Variants in NCAPH observed in about 807,000 individuals in gnomAD.
NCAPH encodes the protein condensin complex subunit 2.
A neutral mutation model predicts 85.5 loss-of-function variants in NCAPH; 38 were observed. The observed-to-expected ratio is 0.44, with a 90% CI of 0.34 to 0.58. The LOEUF (loss-of-function observed/expected upper bound fraction) is 0.58. Among genes scored for constraint, NCAPH ranks in the 20% least tolerant of loss-of-function variants. The pLI, the probability that NCAPH is intolerant of heterozygous loss-of-function variation, is 0.01. For missense variants in NCAPH, 789 were observed against 916.6 expected, an observed-to-expected ratio of 0.86 and a Z score of 1.80; for synonymous variants, 301 against 335.1, an observed-to-expected ratio of 0.90 and a Z score of 1.11.
Position 96,367,320 on chromosome 2 carries a change from C to G in NCAPH, c.1945C>G (p.Gln649Glu). The change falls in exon 15 of 18, where the codon CAG (glutamine) becomes GAG (glutamate). Residue 649 changes from glutamine to glutamate, a missense_variant. Coordinates refer to ENST00000240423, the MANE Select transcript of NCAPH (RefSeq NM_015341.5). ...AAAGATGGACATGAAGAAACTGAAG[C>G]AGAGCATGTGGAGTCTGCTGACAGC... ...AKKMDMKKLK[Q>E]SMWSLLTALS... 6.2e-7 allele frequency: 1 copy of G among 1,613,702 alleles called. No homozygotes were observed. Among genetic ancestry groups the G allele is most frequent in the Non-Finnish European group, 8.5e-7 (1 of 1,179,724 alleles).
intron 6 of NCAPH, among the ~76,000 whole-genome samples, chr2:96,348,387 C>CTCTCCTAAAG (rs1454209020): frequency 6.6e-6 from 1 of 151,976 alleles, no homozygotes; most frequent in Non-Finnish European, 1.5e-5. Flanking sequence ...GACGGGGTTT[C>CTCTCCTAAAG]ACCGTGTTAG....
At position 96,360,232 on chromosome 2, in the gene NCAPH, T is replaced by C. The variant is rs780697265; in HGVS notation, c.1447T>C (p.Tyr483His). ...DFEDDIDFDVYFRKTKAATIL... is the reference protein window; with the variant it reads ...DFEDDIDFDVHFRKTKAATIL... ...TGAAGATGATATTGACTTTGATGTA[T>C]ATTTTAGAAAAACAAAGGTTTGTAC... Residue 483 changes from tyrosine (Y) to histidine (H), a missense_variant, in exon 11 of 18, where the codon TAT becomes CAT. Coordinates refer to ENST00000240423, the MANE Select transcript of NCAPH (RefSeq NM_015341.5). The C allele has an allele frequency of 2.6e-6, 4 of 1,511,652 alleles. No homozygotes were observed. Among genetic ancestry groups the C allele is most frequent in the East Asian group, 2.3e-5 (1 of 44,306 alleles). The allele number at this position is 1,511,652 out of a possible 1,614,324, so 93.6% of individuals were successfully genotyped here.
In NCAPH at chr2:96,353,325, A is replaced by C; in HGVS notation, c.930A>C (p.Ala310=). The C allele has an allele frequency of 6.2e-7, 1 of 1,614,212 alleles. No homozygotes were observed. The change falls in exon 8 of 18, where the codon GCA becomes GCC. Residue 310 remains alanine, a synonymous_variant. Coordinates refer to ENST00000240423, the MANE Select transcript of NCAPH (RefSeq NM_015341.5). ...CTCCAGCGCCCTTGCAGCAGTGTGC[A>C]GAAGATCGCCAGATCTGCCCTTCCC... ...TDLKAPLQQC[A]EDRQICPSLA...
At position 96,369,465 on chromosome 2, in the gene NCAPH, G is replaced by A. The variant is rs1407017239; in HGVS notation, c.2131G>A (p.Ala711Thr). ...GGCTCAGAACCTCTCCATACCTCTG[G>A]CTTTTGCCTGTCTCCTACATTTAGC... The part of the protein sequence containing the change: ...VMAQNLSIPL[A>T]FACLLHLANE... Residue 711 changes from alanine (A) to threonine (T), a missense_variant, in exon 17 of 18, where the codon GCT becomes ACT. Coordinates refer to ENST00000240423, the MANE Select transcript of NCAPH (RefSeq NM_015341.5). 6.2e-7 allele frequency: 1 copy of A among 1,614,054 alleles called. No individual in the cohort carries two copies. The highest frequency in any genetic ancestry group is 1.1e-5 in the South Asian group (1 of 91,084).
rs561335371 is a variant in NCAPH, at chr2:96,338,061, G to A, written c.19+2213G>A. 2.6e-5 allele frequency among the ~76,000 whole-genome samples: 4 copies of A among 151,882 alleles called. No individual in the cohort carries two copies. The East Asian group carries it at 7.7e-4, about 29-fold the overall frequency. On this transcript the variant is annotated intron_variant, in intron 1 of 17. Transcript: ENST00000240423. ...CCTGCCTCAGCCTACCGAGTAGCTG[G>A]GATTACAGACATGCGCCACTACACC... is the stretch of plus-strand genomic sequence containing the variant.
intron 1 of NCAPH, among the ~76,000 whole-genome samples, chr2:96,336,662 A>G (rs2064218558): frequency 6.6e-6 from 1 of 152,198 alleles, no homozygotes; most frequent in African/African-American, 2.4e-5. Flanking sequence ...ACTCAGGTGA[A>G]GGGATCTATA....
chr2:96,345,826 G>T (rs144885284), intron 6 of NCAPH, among the ~76,000 whole-genome samples: 2 of 152,264 alleles, frequency 1.3e-5, no homozygotes, highest in African/African-American at 2.4e-5. Context: ...ACAGAGATTC[G>T]TATTACTGTT....
At chr2:96,338,619 C>T (rs990940954) in intron 1 of NCAPH, among the ~76,000 whole-genome samples, 4 of 151,960 alleles carry the variant, frequency 2.6e-5, no homozygotes, top group African/African-American at 9.7e-5. Flanking sequence ...AGAGGAAGGT[C>T]GTCGGGGTAG....
chr2:96,340,392 T>C (rs2104417109), intron 1 of NCAPH, among the ~76,000 whole-genome samples: 1 of 145,872 alleles, frequency 6.9e-6, no homozygotes. Flanking sequence ...TCTTTTTTTT[T>C]TTTTTTTTTT....
At chr2:96,337,454 C>T (rs564417667) in intron 1 of NCAPH, among the ~76,000 whole-genome samples, 1 of 152,330 alleles carries the variant, frequency 6.6e-6, no homozygotes, top group East Asian at 1.9e-4. Flanking sequence ...GAGTCTCGCT[C>T]TATCGCCCAG....
chr2:96,339,178 T>C (rs1465307062), intron 1 of NCAPH, among the ~76,000 whole-genome samples: 2 of 152,226 alleles, frequency 1.3e-5, no homozygotes, highest in Admixed American at 6.5e-5. Context: ...TAATACAGTC[T>C]CTTTGCTTCA....
intron 17 of NCAPH, 74 bp downstream of exon 17, chr2:96,369,574 A>G (rs2064745317): frequency 1.4e-6 from 2 of 1,429,166 alleles, no homozygotes; most frequent in Non-Finnish European, 2.0e-6. Context: ...TTTGTATTTG[A>G]TCTTTCATGG....
Position 96,373,364 on chromosome 2 carries a change from G to A in NCAPH, c.*13G>A. The A allele has an allele frequency of 1.2e-6, 2 of 1,612,240 alleles. No homozygotes were observed. The highest frequency in any genetic ancestry group is 2.2e-5 in the South Asian group (2 of 90,904). ...GCAAGGAGATTGAGTTCACTATGGA[G>A]AAGTCAGCAGCAGGAGGCCCATCCC... On this transcript the variant is annotated 3_prime_UTR_variant, in exon 18 of 18. Transcript: ENST00000240423.
intron 1 of NCAPH, among the ~76,000 whole-genome samples, chr2:96,338,306 T>C (rs1393481247): frequency 1.3e-5 from 2 of 148,204 alleles, no homozygotes; most frequent in African/African-American, 5.0e-5. Context: ...TTGCACCTGC[T>C]CCCTGCCTGC....
intron 1 of NCAPH, among the ~76,000 whole-genome samples, chr2:96,337,850 A>C (rs1483874248): frequency 6.6e-6 from 1 of 152,076 alleles, no homozygotes; most frequent in East Asian, 1.9e-4. Flanking sequence ...CTGGAACCAC[A>C]GATGCCTGGC....
chr2:96,365,759 C>T (rs2064689135), intron 13 of NCAPH, 117 bp from the exon 14 acceptor site: 1 of 1,004,266 alleles, frequency 1.0e-6, no homozygotes, highest in Non-Finnish European at 1.5e-6. Context: ...TAGTGTAACT[C>T]ACTGAGTGAA....
chr2:96,372,388 G>C (rs144858542), intron 17 of NCAPH, among the ~76,000 whole-genome samples: 2 of 152,214 alleles, frequency 1.3e-5, no homozygotes, highest in East Asian at 1.9e-4. Flanking sequence ...GGCAGTTGGG[G>C]GTGCCTGGAG....
chr2:96,367,522 C>T (rs773812306), intron 15 of NCAPH, 149 bp downstream of exon 15: 61 of 566,082 alleles, frequency 1.1e-4, no homozygotes, highest in Non-Finnish European at 1.7e-4. Flanking sequence ...GTGGCTCACA[C>T]GTGTAATCCC....
chr2:96,342,051 A>G lies in NCAPH; in HGVS notation c.274A>G (p.Ser92Gly). The G allele has an allele frequency of 1.9e-6, 3 of 1,610,174 alleles. No homozygotes were observed. ...PRLLASPSSR[S>G]IDISATIPKF... Reference sequence around the variant, plus strand: ...TGTTTGTTTTTGTTTTCCATTTAGGAGTATTGACATTTCAGCTACTATCCC... The same window carrying G: ...TGTTTGTTTTTGTTTTCCATTTAGGGGTATTGACATTTCAGCTACTATCCC... The change falls in exon 3 of 18, where the codon AGT (serine) becomes GGT (glycine). Residue 92 changes from serine to glycine, a missense_variant and splice_region_variant. Physicochemically the swap from Ser to Gly is moderately conservative, Grantham distance 56. Coordinates refer to ENST00000240423, the MANE Select transcript of NCAPH (RefSeq NM_015341.5).
Sources: allele counts gnomAD v4.1 joint callset (sites outside exome capture counted in the v4.1 genomes callset), GRCh38; gene constraint gnomAD v4.1.1; transcripts MANE v1.5; gene names NCBI Gene and HGNC (gene_info 2026-07-23, HGNC 2026-07-21).